TTYH1: variants seen among roughly 807,000 people sequenced by gnomAD.
TTYH1 encodes protein tweety homolog 1.
Under a neutral mutation model 61.2 loss-of-function variants are expected in TTYH1, and 33 were observed. The ratio of observed to expected loss-of-function variants is 0.54; its 90% CI spans 0.41 to 0.72. The LOEUF is 0.72. TTYH1 is among the 30% of genes least tolerant of loss of function. The probability of loss-of-function intolerance (pLI) is 0.00; values close to 1 mark genes in which losing one functional copy is unlikely to be tolerated. For synonymous variants in TTYH1, 308 were observed against 266.4 expected (o/e 1.16, Z -1.52); for missense variants, 538 against 575.8 (o/e 0.93, Z 0.67).
intron 5 of TTYH1, among the ~76,000 whole-genome samples, chr19:54,427,350 A>G (rs1048725863): frequency 6.9e-6 from 1 of 145,738 alleles, no homozygotes; most frequent in African/African-American, 2.5e-5. Context: ...TCACGCCTGT[A>G]ATTCCAGCAC....
chr19:54,430,955 A>T, intron 9 of TTYH1, 50 bp downstream of exon 9: 1 of 1,589,420 alleles, frequency 6.3e-7, no homozygotes, highest in Middle Eastern at 1.7e-4. Flanking sequence ...GGGAAGGCGG[A>T]CGGGGCGGGA....
intron 4 of TTYH1, chr19:54,426,369 C>A: frequency 7.4e-6 from 3 of 405,318 alleles, no homozygotes; most frequent in African/African-American, 4.0e-5. Flanking sequence ...GGATGGGGAG[C>A]TCGGAGAGAA....
intron 5 of TTYH1, among the ~76,000 whole-genome samples, chr19:54,427,402 G>A (rs1266412383): frequency 1.4e-5 from 2 of 147,504 alleles, no homozygotes; most frequent in South Asian, 2.2e-4. Context: ...TCAGGAGTTC[G>A]AGACCATCCT....
chr19:54,422,266 G>C lies in TTYH1; in HGVS notation c.494G>C (p.Arg165Pro). 6.4e-7 allele frequency: 1 copy of C among 1,566,104 alleles called. No individual in the cohort carries two copies. The highest frequency in any genetic ancestry group is 8.7e-7 in the Non-Finnish European group (1 of 1,155,756). ...LTTLEEVLEPRTELVAAARGA... is the reference protein window; with the variant it reads ...LTTLEEVLEPPTELVAAARGA... ...ACCCTGGAGGAGGTGCTCGAGCCGC[G>C]CACGGAGCTGGTGGCTGCCGCCCGA... Residue 165 changes from arginine (R) to proline (P), a missense_variant, in exon 4 of 14, where the codon CGC becomes CCC. By Grantham distance (103) the Arg-to-Pro change is moderately radical (BLOSUM62 -2). Around this residue, in one of 3 missense-constraint regions of TTYH1, gnomAD observed 378 missense variants for 401.2 expected, o/e 0.94. Coordinates refer to ENST00000376530, the MANE Select transcript of TTYH1 (RefSeq NM_020659.4).
At chr19:54,431,292 G>A (rs1030725997) in intron 10 of TTYH1, 101 bp downstream of exon 10, 3 of 774,734 alleles carry the variant, frequency 3.9e-6, no homozygotes, top group Non-Finnish European at 6.8e-6. Context: ...CATTGCGCCT[G>A]AGGATATCTC....
Position 54,421,468 on chromosome 19 carries a change from TCAGAGCTAAGACCC to T in TTYH1, c.417+84_417+97del. On this transcript the variant is annotated intron_variant, in intron 3 of 13. Coordinates refer to ENST00000376530, the MANE Select transcript of TTYH1 (RefSeq NM_020659.4). The surrounding 1 kb of genome is among the most constrained non-coding windows in gnomAD (Gnocchi z 4.8). ...CACCCAAGGACAAAGGGATCCAAACTCAGAGCTAAGACCCCAGGCTTGAAGCTTAGGAACCCAGA... is the reference window on the plus strand; with the variant it reads ...CACCCAAGGACAAAGGGATCCAAACTCAGGCTTGAAGCTTAGGAACCCAGA... 1.0e-6 allele frequency: 1 copy of T among 972,634 alleles called. No homozygotes were observed. Among genetic ancestry groups the T allele is most frequent in the Non-Finnish European group, 1.7e-6 (1 of 601,992 alleles). The allele number at this position is 972,634 out of a possible 1,614,324, so 60.3% of individuals were successfully genotyped here. A position where few individuals can be genotyped will look rare whatever the true frequency, so the allele number is the denominator to read the frequency against.
At chr19:54,417,662 G>A (rs903247032) in intron 1 of TTYH1, among the ~76,000 whole-genome samples, 6 of 149,414 alleles carry the variant, frequency 4.0e-5, no homozygotes, top group Non-Finnish European at 5.9e-5. Flanking sequence ...TGCATGCACC[G>A]TCACATACAC....
At position 54,416,966 on chromosome 19, in the gene TTYH1, G is replaced by A. The variant is rs1445528202; in HGVS notation, c.126+1288G>A. The A allele has an allele frequency of 8.2e-7, 1 of 1,226,370 alleles. No individual in the cohort carries two copies. Among genetic ancestry groups the A allele is most frequent in the Non-Finnish European group, 1.0e-6 (1 of 958,668 alleles). 76.0% of individuals were successfully genotyped at this position (1,226,370 alleles called of 1,614,324 possible). A position where few individuals can be genotyped will look rare whatever the true frequency, so the allele number is the denominator to read the frequency against. On this transcript the variant is annotated intron_variant, in intron 1 of 13. Transcript: ENST00000376530. This position sits in a 1 kb window ranked among gnomAD's most constrained non-coding sequence, Gnocchi z 7.0. ...GCCTCACTCCGCCCCCACGGTCGGG[G>A]GTCAGGGTCAGGGTGGCAGGGATGC...
At position 54,419,339 on chromosome 19, in the gene TTYH1, G is replaced by A. The variant is rs760057923; in HGVS notation, c.305+33G>A. On this transcript the variant is annotated intron_variant, in intron 2 of 13. Coordinates refer to ENST00000376530, the MANE Select transcript of TTYH1 (RefSeq NM_020659.4). This position sits in a 1 kb window ranked among gnomAD's most constrained non-coding sequence, Gnocchi z 6.1. ...GGCCCCAGGGTGGGTGGGCGGTGGG[G>A]ACAGGGCTCCCCAAGCTCTTTGCTG... is the stretch of plus-strand genomic sequence containing the variant. 3.2e-6 allele frequency: 5 copies of A among 1,575,522 alleles called. No homozygotes were observed. Among genetic ancestry groups the A allele is most frequent in the South Asian group, 2.3e-5 (2 of 88,646 alleles).
intron 4 of TTYH1, among the ~76,000 whole-genome samples, chr19:54,423,737 C>A (rs2083265867): frequency 6.6e-6 from 1 of 151,954 alleles, no homozygotes; most frequent in African/African-American, 2.4e-5. Context: ...TGTAGTCACC[C>A]CGGTGGCGGG....
In TTYH1 at chr19:54,419,323, G is replaced by A. The variant is rs2083158683; in HGVS notation, c.305+17G>A. On this transcript the variant is annotated intron_variant, in intron 2 of 13. Transcript: ENST00000376530. The surrounding 1 kb of genome is among the most constrained non-coding windows in gnomAD (Gnocchi z 6.1). ...CGCCGGCTGGTAATGGGGCCCCAGG[G>A]TGGGTGGGCGGTGGGGACAGGGCTC... 4 of 1,587,740 alleles carry A rather than the reference G, an allele frequency of 2.5e-6. No homozygotes were observed. The highest frequency in any genetic ancestry group is 3.4e-6 in the Non-Finnish European group (4 of 1,172,922).
At position 54,419,354 on chromosome 19, in the gene TTYH1, G is replaced by A. The variant is rs1339145786; in HGVS notation, c.305+48G>A. The stretch of plus-strand genomic sequence containing the variant: ...GGGCGGTGGGGACAGGGCTCCCCAA[G>A]CTCTTTGCTGGCCTTCCTGGGGGTG... On this transcript the variant is annotated intron_variant, in intron 2 of 13. Coordinates refer to ENST00000376530, the MANE Select transcript of TTYH1 (RefSeq NM_020659.4). The surrounding 1 kb of genome is among the most constrained non-coding windows in gnomAD (Gnocchi z 6.1). 6.4e-7 allele frequency: 1 copy of A among 1,552,340 alleles called. No homozygotes were observed. The highest frequency in any genetic ancestry group is 2.3e-5 in the East Asian group (1 of 43,744).
At chr19:54,428,086 T>A (rs1430439421) in intron 5 of TTYH1, among the ~76,000 whole-genome samples, 2 of 136,496 alleles carry the variant, frequency 1.5e-5, no homozygotes, top group African/African-American at 5.5e-5. Context: ...TAAGTTTTTT[T>A]TTTTTTTTTT....
Position 54,436,385 on chromosome 19 carries a change from T to C in TTYH1, c.*95T>C, listed in dbSNP as rs1400324627. 6.2e-7 allele frequency: 1 copy of C among 1,614,014 alleles called. No individual in the cohort carries two copies. Among genetic ancestry groups the C allele is most frequent in the African/African-American group, 1.3e-5 (1 of 75,054 alleles). On this transcript the variant is annotated 3_prime_UTR_variant, in exon 14 of 14. Transcript: ENST00000376530. The surrounding 1 kb of genome is among the most constrained non-coding windows in gnomAD (Gnocchi z 4.3). ...CCACTAACCCAGCCTGCCTGGGCTC[T>C]GACCACTAACACTCTTGGCCATGGA... is the stretch of plus-strand genomic sequence containing the variant.
In TTYH1 at chr19:54,435,904, G is replaced by T. The variant is rs374414439; in HGVS notation, c.1314+31G>T. ...GGATGCCTGGGTCTGAGGGAGGAGG[G>T]GCGGGGGGTCCTGAACTCCTGGGTC... On this transcript the variant is annotated intron_variant, in intron 12 of 13. Coordinates refer to ENST00000376530, the MANE Select transcript of TTYH1 (RefSeq NM_020659.4). 16 of 1,611,466 alleles carry T rather than the reference G, an allele frequency of 9.9e-6. No individual in the cohort carries two copies. In the Admixed American group the frequency reaches 2.5e-4, roughly 25 times the overall value.
At position 54,419,984 on chromosome 19, in the gene TTYH1, G is replaced by A. The variant is rs936475525; in HGVS notation, c.305+678G>A. Among the ~76,000 whole-genome samples, 3 of 152,154 alleles carry A rather than the reference G, an allele frequency of 2.0e-5. No homozygotes were observed. Among genetic ancestry groups the A allele is most frequent in the African/African-American group, 7.2e-5 (3 of 41,444 alleles). ...CAATAATGCTGCTGGATTCAGGGGT[G>A]TCAGGCCCAGTTTCCAAAGAGGAAG... On this transcript the variant is annotated intron_variant, in intron 2 of 13. Transcript: ENST00000376530. The surrounding 1 kb of genome is among the most constrained non-coding windows in gnomAD (Gnocchi z 6.1).
chr19:54,426,805 G>A, intron 5 of TTYH1, 37 bp downstream of exon 5: 1 of 1,580,066 alleles, frequency 6.3e-7, no homozygotes, highest in Non-Finnish European at 8.7e-7. Flanking sequence ...GTGCTTGCCT[G>A]GCACTCTCCT....
intron 1 of TTYH1, among the ~76,000 whole-genome samples, 189 bp from the exon 2 acceptor site, chr19:54,418,939 C>G (rs556219835): frequency 2.0e-5 from 3 of 152,320 alleles, no homozygotes; most frequent in Non-Finnish European, 4.4e-5. Flanking sequence ...CAAGCTGGCC[C>G]TGACACCTGG....
In TTYH1 at chr19:54,420,614, CG is replaced by C. The variant is rs1279609903; in HGVS notation, c.306-661del. The stretch of plus-strand genomic sequence containing the variant: ...GGTCCCACAATGGAGCTCTGTGTGT[CG>C]GTAGGGTGGGGGCGGGGGCACGGCT... On this transcript the variant is annotated intron_variant, in intron 2 of 13. Transcript: ENST00000376530. The surrounding 1 kb of genome is among the most constrained non-coding windows in gnomAD (Gnocchi z 4.8). 1.2e-5 allele frequency: 2 copies of C among 162,100 alleles called. No homozygotes were observed. The highest frequency in any genetic ancestry group is 4.9e-5 in the African/African-American group (2 of 41,090). The allele number at this position is 162,100 out of a possible 1,614,324, so 10.0% of individuals were successfully genotyped here.
Sources: allele counts gnomAD v4.1 joint callset (sites outside exome capture counted in the v4.1 genomes callset), GRCh38; gene constraint gnomAD v4.1.1; regional missense constraint gnomAD v4.1.1; non-coding constraint Gnocchi (gnomAD v3.1); transcripts MANE v1.5; gene names NCBI Gene and HGNC (gene_info 2026-07-23, HGNC 2026-07-21).